The following ZNF383 variants were observed in gnomAD, a reference collection of about 807,000 sequenced individuals.
ZNF383 encodes zinc finger protein 383.
Under a neutral mutation model 44.2 loss-of-function variants are expected in ZNF383, and 32 were observed. The ratio of observed to expected loss-of-function variants is 0.72; its 90% CI spans 0.55 to 0.97. The LOEUF (loss-of-function observed/expected upper bound fraction) is 0.97, where lower values mean the gene tolerates loss of function less well. ZNF383 is among the 50% of genes least tolerant of loss of function. The pLI is 0.00. For missense variants in ZNF383, 487 were observed against 562.5 expected, an observed-to-expected ratio of 0.87 and a Z score of 1.36; for synonymous variants, 155 against 186.2, an observed-to-expected ratio of 0.83 and a Z score of 1.36.
Position 37,242,591 on chromosome 19 carries a change from G to T in ZNF383, c.355G>T (p.Asp119Tyr), listed in dbSNP as rs1462528458. 1 of 1,613,908 alleles carries T rather than the reference G, an allele frequency of 6.2e-7. No homozygotes were observed. The highest frequency in any genetic ancestry group is 8.5e-7 in the Non-Finnish European group (1 of 1,179,968). ...KHGLEYSSFGDVLEYRSHLAK... is the reference protein window; with the variant it reads ...KHGLEYSSFGYVLEYRSHLAK... ...TGGCCTTGAGTACTCCAGTTTTGGA[G>T]ATGTTTTGGAATATAGAAGCCACCT... The change falls in exon 6 of 6, where the codon GAT becomes TAT. Residue 119 changes from aspartate (D) to tyrosine (Y), a missense_variant. Asp to Tyr is a radical substitution (Grantham distance 160, BLOSUM62 -3). Coordinates refer to ENST00000684119, the MANE Select transcript of ZNF383 (RefSeq NM_001387601.1).
intron 1 of ZNF383, among the ~76,000 whole-genome samples, chr19:37,222,366 T>G (rs566088545): frequency 6.6e-6 from 1 of 152,244 alleles, no homozygotes; most frequent in Non-Finnish European, 1.5e-5. Context: ...AAAATTCTGT[T>G]GTATGAATAT....
intron 2 of ZNF383, among the ~76,000 whole-genome samples, chr19:37,230,091 G>A (rs1398517659): frequency 6.6e-6 from 1 of 151,882 alleles, no homozygotes; most frequent in Non-Finnish European, 1.5e-5. Flanking sequence ...ATTAGCTCAG[G>A]GCAGACCATA....
rs748547216 is a variant in ZNF383 at position 37,245,788 on chromosome 19, T to G, written c.*2124T>G. 1 of 151,732 alleles carries G rather than the reference T, an allele frequency of 6.6e-6. No homozygotes were observed. The highest frequency in any genetic ancestry group is 1.5e-5 in the Non-Finnish European group (1 of 67,958). The allele number at this position is 151,732 out of a possible 1,614,324, so 9.4% of individuals were successfully genotyped here. A position where few individuals can be genotyped will look rare whatever the true frequency, so the allele number is the denominator to read the frequency against. ...GTGCCCGGTCAATTATTTTTTCTTA[T>G]AGCTATTAGTGGTGTTTTTGTTTTT... On this transcript the variant is annotated 3_prime_UTR_variant, in exon 6 of 6. Coordinates refer to ENST00000684119, the MANE Select transcript of ZNF383 (RefSeq NM_001387601.1).
chr19:37,241,328 A>G lies in ZNF383; in HGVS notation c.233-1141A>G, dbSNP rs188990914. Among the ~76,000 whole-genome samples, 85 of 152,218 alleles carry G rather than the reference A, an allele frequency of 5.6e-4. 1 individual carries two copies. In the East Asian group the frequency reaches 0.012, roughly 21 times the overall value. ...ACAGCAATAAATTAAGGGGTTTCCA[A>G]GGTCTCAGGTTCAATAATTTGTTAG... On this transcript the variant is annotated intron_variant, in intron 5 of 5. Coordinates refer to ENST00000684119, the MANE Select transcript of ZNF383 (RefSeq NM_001387601.1).
At chr19:37,232,227 A>AC (rs1190543020) in intron 3 of ZNF383, among the ~76,000 whole-genome samples, 7 of 151,932 alleles carry the variant, frequency 4.6e-5, no homozygotes, top group African/African-American at 1.7e-4. Context: ...GGCCCCTGCC[A>AC]CCACGCCTGG....
rs914246281 is a variant in ZNF383 at position 37,247,690 on chromosome 19, A to G, written c.*4026A>G. The G allele has an allele frequency of 2.0e-5, 3 of 152,218 alleles. 1 individual carries two copies. Among genetic ancestry groups the G allele is most frequent in the Admixed American group, 1.3e-4 (2 of 15,280 alleles). The allele number at this position is 152,218 out of a possible 1,614,324, so 9.4% of individuals were successfully genotyped here. ...CTCTACAGAAAAAAAAAAAAATTAA[A>G]ACAACAAACTTAAAAGTTGGTATTA... On this transcript the variant is annotated 3_prime_UTR_variant, in exon 6 of 6. Coordinates refer to ENST00000684119, the MANE Select transcript of ZNF383 (RefSeq NM_001387601.1).
rs575265869 is a variant in ZNF383 at position 37,244,124 on chromosome 19, C to A, written c.*460C>A. 2.7e-4 allele frequency: 41 copies of A among 152,282 alleles called. No individual in the cohort carries two copies. Among genetic ancestry groups the A allele is most frequent in the African/African-American group, 9.6e-4 (40 of 41,508 alleles). The allele number at this position is 152,282 out of a possible 1,614,324, so 9.4% of individuals were successfully genotyped here. On this transcript the variant is annotated 3_prime_UTR_variant, in exon 6 of 6. Transcript: ENST00000684119. ...TTTGAGACGGAGTTTCACTCTGTTG[C>A]CCAGGCTGGAGTGCAGTGGCGCAAT...
At chr19:37,239,405 C>G (rs1472647427) in intron 5 of ZNF383, among the ~76,000 whole-genome samples, 1 of 152,082 alleles carries the variant, frequency 6.6e-6, no homozygotes, top group African/African-American at 2.4e-5. Flanking sequence ...TATTTATGCT[C>G]ATCACTACTT....
At chr19:37,236,762 G>C (rs1208023303) in intron 5 of ZNF383, among the ~76,000 whole-genome samples, 1 of 151,714 alleles carries the variant, frequency 6.6e-6, no homozygotes, top group Non-Finnish European at 1.5e-5. Flanking sequence ...TAGAGGTGGG[G>C]TTTCACCATA....
chr19:37,235,783 T>A, intron 4 of ZNF383, 108 bp downstream of exon 4: 1 of 1,413,720 alleles, frequency 7.1e-7, no homozygotes, highest in Non-Finnish European at 9.6e-7. Flanking sequence ...TTCTATTCTT[T>A]ATTACCAAAC....
intron 2 of ZNF383, among the ~76,000 whole-genome samples, chr19:37,225,786 T>G (rs1256129600): frequency 6.9e-6 from 1 of 145,870 alleles, no homozygotes; most frequent in Non-Finnish European, 1.5e-5. Flanking sequence ...TATCATTCAG[T>G]TTAAATTTTT....
intron 1 of ZNF383, among the ~76,000 whole-genome samples, chr19:37,221,356 C>T (rs1476476292): frequency 6.8e-6 from 1 of 147,296 alleles, no homozygotes. Flanking sequence ...GCCTACTGGG[C>T]AGATTGCTTG....
Position 37,235,561 on chromosome 19 carries a change from T to G in ZNF383, c.22T>G (p.Phe8Val). The G allele has an allele frequency of 5.6e-6, 9 of 1,614,072 alleles. No individual in the cohort carries two copies. Among genetic ancestry groups the G allele is most frequent in the Non-Finnish European group, 7.6e-6 (9 of 1,179,954 alleles). Residue 8 changes from phenylalanine to valine, a missense_variant, in exon 4 of 6, where the codon TTC becomes GTC. Phe to Val is a conservative substitution (Grantham distance 50). Coordinates refer to ENST00000684119, the MANE Select transcript of ZNF383 (RefSeq NM_001387601.1). MAEGSVM[F>V]SDVSIDFSQE... is the part of the protein sequence containing the mutation. ...TTTATTGTTTCAGGGATCAGTGATGTTCAGTGATGTGTCCATAGACTTCTC... is the reference window on the plus strand; with the variant it reads ...TTTATTGTTTCAGGGATCAGTGATGGTCAGTGATGTGTCCATAGACTTCTC...
At chr19:37,239,039 C>A (rs1356052198) in intron 5 of ZNF383, among the ~76,000 whole-genome samples, 2 of 152,146 alleles carry the variant, frequency 1.3e-5, no homozygotes, top group East Asian at 3.9e-4. Flanking sequence ...ACTGCCTCAG[C>A]CTTCTGAGTA....
chr19:37,227,772 A>G (rs992765205), intron 2 of ZNF383: 8 of 152,372 alleles, frequency 5.3e-5, no homozygotes, highest in African/African-American at 1.9e-4. Context: ...CGTGTCCACC[A>G]GACAGGGGGC....
chr19:37,220,369 A>G (rs1325070375), intron 1 of ZNF383, among the ~76,000 whole-genome samples: 1 of 152,006 alleles, frequency 6.6e-6, no homozygotes, highest in African/African-American at 2.4e-5. Context: ...AGTTCAAGCA[A>G]TTCTCCCGCT....
chr19:37,241,791 T>C (rs1974094286), intron 5 of ZNF383, among the ~76,000 whole-genome samples: 1 of 151,918 alleles, frequency 6.6e-6, no homozygotes, highest in South Asian at 2.1e-4. Flanking sequence ...TTATTATACC[T>C]CAGAGCCAAA....
rs1451829695 is a variant in ZNF383 at position 37,243,609 on chromosome 19, C to G, written c.1373C>G (p.Ala458Gly). The change falls in exon 6 of 6, where the codon GCT becomes GGT. Residue 458 changes from alanine to glycine, a missense_variant. Ala to Gly is a moderately conservative substitution (Grantham distance 60, BLOSUM62 0). Transcript: ENST00000684119. ...TATAACTGTAAGGAATGTGGGAAGG[C>G]TTTTAGTAGTGGCTCGGATCTCATT... ...KPYNCKECGK[A>G]FSSGSDLIRH... The G allele has an allele frequency of 1.3e-6, 2 of 1,599,242 alleles. No individual in the cohort carries two copies. The highest frequency in any genetic ancestry group is 4.5e-5 in the East Asian group (2 of 44,604).
Position 37,229,540 on chromosome 19 carries a change from C to A in ZNF383, c.-45-869C>A, listed in dbSNP as rs1375258729. On this transcript the variant is annotated intron_variant, in intron 2 of 5. Transcript: ENST00000684119. ...ATGGCACAATCTCAGCTCACTGCAACCTCTGCCTCCCAGGTTCAAGGGATT... is the reference window on the plus strand; with the variant it reads ...ATGGCACAATCTCAGCTCACTGCAAACTCTGCCTCCCAGGTTCAAGGGATT... Among the ~76,000 whole-genome samples, 4 of 145,324 alleles carry A rather than the reference C, an allele frequency of 2.8e-5. 1 individual carries two copies. The highest frequency in any genetic ancestry group is 7.0e-5 in the Admixed American group (1 of 14,228).
Sources: allele counts gnomAD v4.1 joint callset (sites outside exome capture counted in the v4.1 genomes callset), GRCh38; gene constraint gnomAD v4.1.1; transcripts MANE v1.5; gene names NCBI Gene and HGNC (gene_info 2026-07-23, HGNC 2026-07-21).